SNX29: variants seen among roughly 807,000 people sequenced by gnomAD.
The protein encoded by SNX29 is sorting nexin 29.
SNX29 carries 78 observed loss-of-function variants against 102.1 expected under a neutral mutation model. That is an observed-to-expected ratio of 0.76 (90% CI 0.64 to 0.92). SNX29 has a LOEUF of 0.92. Ranked by LOEUF, SNX29 falls within the 40% of genes least tolerant of loss-of-function variation. The pLI is 0.00. For missense variants in SNX29, 1,280 were observed against 1,061.7 expected (o/e 1.21, Z -2.86); for synonymous variants, 580 against 414.5 (o/e 1.40, Z -4.85).
chr16:12,063,154 A>G (rs2050850892), intron 9 of SNX29, among the ~76,000 whole-genome samples: 1 of 152,116 alleles, frequency 6.6e-6, no homozygotes, highest in Non-Finnish European at 1.5e-5. Context: ...TGAGATCCAC[A>G]GTGAAGGCGC....
chr16:12,341,777 CTTGTGCCCTGTTGTG>C (rs2081617303), intron 15 of SNX29, among the ~76,000 whole-genome samples: 2 of 152,202 alleles, frequency 1.3e-5, no homozygotes, highest in Non-Finnish European at 2.9e-5. Flanking sequence ...AAGTCAGAAG[CTTGTGCCCTGTTGTG>C]CAGAGGGGGC....
chr16:12,543,432 G>A (rs952044308), intron 20 of SNX29, among the ~76,000 whole-genome samples: 5 of 152,184 alleles, frequency 3.3e-5, no homozygotes, highest in African/African-American at 1.2e-4. Context: ...AAAGTGGGTG[G>A]GCAAACATAT....
At chr16:12,553,002 A>C (rs1487637844) in intron 20 of SNX29, among the ~76,000 whole-genome samples, 2 of 152,236 alleles carry the variant, frequency 1.3e-5, no homozygotes, top group Non-Finnish European at 2.9e-5. Flanking sequence ...GGCTGAAATC[A>C]GGAGAGTGGG....
At chr16:12,332,612 G>C (rs760599500) in intron 15 of SNX29, among the ~76,000 whole-genome samples, 7 of 152,044 alleles carry the variant, frequency 4.6e-5, no homozygotes, top group Non-Finnish European at 8.8e-5. Flanking sequence ...GAGGTCCATG[G>C]GCAGGTGCTT....
intron 13 of SNX29, among the ~76,000 whole-genome samples, chr16:12,166,044 T>C (rs2056006915): frequency 6.6e-6 from 1 of 152,202 alleles, no homozygotes; most frequent in African/African-American, 2.4e-5. Flanking sequence ...CATGGAAGCA[T>C]TTAATCCATG....
At chr16:12,441,127 G>A (rs1023558661) in intron 18 of SNX29, among the ~76,000 whole-genome samples, 8 of 124,548 alleles carry the variant, frequency 6.4e-5, no homozygotes, top group Non-Finnish European at 1.3e-4. Context: ...AGTTTCTGTC[G>A]CCCAGGCTAG....
intron 18 of SNX29, among the ~76,000 whole-genome samples, chr16:12,473,759 C>T (rs993963630): frequency 7.2e-5 from 11 of 152,136 alleles, no homozygotes; most frequent in African/African-American, 2.4e-4. Flanking sequence ...CTAGAGTGAC[C>T]TCTGGGTGTC....
At chr16:12,436,816 G>C (rs1156519603) in intron 18 of SNX29, among the ~76,000 whole-genome samples, 1 of 152,186 alleles carries the variant, frequency 6.6e-6, no homozygotes, top group Non-Finnish European at 1.5e-5. Flanking sequence ...ACCATGCCCG[G>C]CTAATTTTTG....
chr16:12,532,057 C>T (rs768753685), intron 20 of SNX29, among the ~76,000 whole-genome samples: 7 of 152,148 alleles, frequency 4.6e-5, no homozygotes, highest in Non-Finnish European at 7.3e-5. Context: ...AGGTCTGGGT[C>T]GCCGTTTACA....
intron 14 of SNX29, among the ~76,000 whole-genome samples, chr16:12,227,342 A>T (rs934567899): frequency 6.6e-6 from 1 of 152,028 alleles, no homozygotes; most frequent in Non-Finnish European, 1.5e-5. Flanking sequence ...AATGATCTGC[A>T]CCCCAGTGAC....
chr16:12,084,365 C>T (rs189288291), intron 11 of SNX29, among the ~76,000 whole-genome samples: 3 of 152,194 alleles, frequency 2.0e-5, no homozygotes, highest in Non-Finnish European at 2.9e-5. Flanking sequence ...AGGCTGGTCT[C>T]GAACTCCTGA....
intron 20 of SNX29, among the ~76,000 whole-genome samples, chr16:12,554,698 C>A (rs182405188): frequency 3.3e-5 from 5 of 152,324 alleles, no homozygotes; most frequent in Admixed American, 3.3e-4. Context: ...CATCCCTGCC[C>A]ATGCCTGGTG....
chr16:12,549,813 C>T (rs1029370700), intron 20 of SNX29, among the ~76,000 whole-genome samples: 5 of 152,248 alleles, frequency 3.3e-5, no homozygotes, highest in African/African-American at 4.8e-5. Flanking sequence ...GGCTTCTGTG[C>T]CCTGTGTGGC....
At chr16:12,368,930 T>G (rs9926796) in intron 16 of SNX29, among the ~76,000 whole-genome samples, 2 of 152,136 alleles carry the variant, frequency 1.3e-5, no homozygotes, top group East Asian at 3.9e-4. Context: ...TGCACAGATA[T>G]GGATTCATCA....
intron 13 of SNX29, among the ~76,000 whole-genome samples, chr16:12,142,684 C>T (rs573409088): frequency 6.6e-6 from 1 of 151,854 alleles, no homozygotes; most frequent in Non-Finnish European, 1.5e-5. Context: ...CCTGCTCAGC[C>T]TCCCAAGTAG....
chr16:12,377,022 C>T (rs756673489), intron 16 of SNX29, among the ~76,000 whole-genome samples: 1 of 152,098 alleles, frequency 6.6e-6, no homozygotes, highest in East Asian at 1.9e-4. Context: ...AGAATGTGGG[C>T]AAGGCTTCCA....
chr16:12,054,843 A>G (rs2050453760), intron 8 of SNX29, among the ~76,000 whole-genome samples: 2 of 152,208 alleles, frequency 1.3e-5, no homozygotes, highest in Non-Finnish European at 2.9e-5. Context: ...AGATCAACAT[A>G]TTATGACTTG....
chr16:12,435,917 G>A (rs569419615), intron 18 of SNX29, among the ~76,000 whole-genome samples: 4 of 152,296 alleles, frequency 2.6e-5, no homozygotes, highest in East Asian at 3.9e-4. Flanking sequence ...GGAGCAGCAC[G>A]CTATCTGTGG....
At chr16:12,290,242 C>T (rs1445292204) in intron 15 of SNX29, among the ~76,000 whole-genome samples, 7 of 152,186 alleles carry the variant, frequency 4.6e-5, no homozygotes, top group Non-Finnish European at 1.0e-4. Context: ...TGCTTCTTAC[C>T]TTGCTCTGAG....
Sources: allele counts gnomAD v4.1 joint callset (sites outside exome capture counted in the v4.1 genomes callset), GRCh38; gene constraint gnomAD v4.1.1; transcripts MANE v1.5; gene names NCBI Gene and HGNC (gene_info 2026-07-23, HGNC 2026-07-21).